Variants in UBE2Q1 observed in about 807,000 individuals in gnomAD.
UBE2Q1 encodes ubiquitin conjugating enzyme E2 Q1.
Under a neutral mutation model 60.1 loss-of-function variants are expected in UBE2Q1, and 6 were observed. That is an observed-to-expected ratio of 0.10 (90% CI 0.05 to 0.20). UBE2Q1 has a LOEUF of 0.20. Ranked by LOEUF, UBE2Q1 falls within the 10% of genes least tolerant of loss-of-function variation. The pLI, the probability that UBE2Q1 is intolerant of heterozygous loss-of-function variation, is 1.00. For synonymous variants in UBE2Q1, 226 were observed against 208.3 expected (o/e 1.09, Z -0.73); for missense variants, 262 against 525.8 (o/e 0.50, Z 4.91).
chr1:154,550,890 T>C, intron 12 of UBE2Q1, 48 bp downstream of exon 12: 1 of 1,613,882 alleles, frequency 6.2e-7, no homozygotes, highest in South Asian at 1.1e-5. Context: ...AGTGAAAACC[T>C]GGGTGTGGCA....
intron 3 of UBE2Q1, 48 bp downstream of exon 3, chr1:154,555,380 T>C: frequency 6.6e-7 from 1 of 1,511,422 alleles, no homozygotes; most frequent in Non-Finnish European, 9.2e-7. Flanking sequence ...CTGAGTACCC[T>C]GTGGGGCAAC....
At position 154,550,137 on chromosome 1, in the gene UBE2Q1, G is replaced by A. The variant is rs1389696781; in HGVS notation, c.*301C>T. The A allele has an allele frequency of 7.7e-6, 3 of 390,846 alleles. No homozygotes were observed. The highest frequency in any genetic ancestry group is 8.3e-5 in the East Asian group (2 of 24,046). The allele number at this position is 390,846 out of a possible 1,614,324, so 24.2% of individuals were successfully genotyped here. On this transcript the variant is annotated 3_prime_UTR_variant, in exon 13 of 13. Coordinates refer to ENST00000292211, the MANE Select transcript of UBE2Q1 (RefSeq NM_017582.7). The stretch of plus-strand genomic sequence containing the variant: ...TAAGGAGGCTCTAGTCTGGAGCACA[G>A]CTGAGTTTCCAGCAATATAAGGAGG...
At position 154,554,777 on chromosome 1, in the gene UBE2Q1, C is replaced by T; in HGVS notation, c.546G>A (p.Gln182=). 2 of 1,613,598 alleles carry T rather than the reference C, an allele frequency of 1.2e-6. No individual in the cohort carries two copies. The highest frequency in any genetic ancestry group is 8.5e-7 in the Non-Finnish European group (1 of 1,179,608). ...DQPLPAEQCT[Q]EDVSSEDEDE... ...CTTCATCTTCTGAAGACACGTCTTC[C>T]TGTGTGCACTGCAGCAAGGAAGGGA... The change falls in exon 4 of 13, where the codon CAG becomes CAA. Residue 182 remains glutamine (Q), a synonymous_variant. Coordinates refer to ENST00000292211, the MANE Select transcript of UBE2Q1 (RefSeq NM_017582.7).
intron 11 of UBE2Q1, 173 bp downstream of exon 11, chr1:154,551,224 T>C (rs2149361290): frequency 1.2e-6 from 1 of 841,094 alleles, no homozygotes; most frequent in African/African-American, 1.7e-5. Context: ...GGGGTGCCCC[T>C]AGGGGCCAAG....
Position 154,558,559 on chromosome 1 carries a change from G to A in UBE2Q1, c.-6C>T. 3 of 1,029,266 alleles carry A rather than the reference G, an allele frequency of 2.9e-6. No individual in the cohort carries two copies. The highest frequency in any genetic ancestry group is 3.5e-6 in the Non-Finnish European group (3 of 867,818). 63.8% of individuals were successfully genotyped at this position (1,029,266 alleles called of 1,614,324 possible). A position where few individuals can be genotyped will look rare whatever the true frequency, so the allele number is the denominator to read the frequency against. On this transcript the variant is annotated 5_prime_UTR_variant, in exon 1 of 13. Coordinates refer to ENST00000292211, the MANE Select transcript of UBE2Q1 (RefSeq NM_017582.7). ...TGCGGCTGCGGCTGCTGCATCCTCC[G>A]CTCCGCTCCGCTCCGGGGCCGGCGG...
rs200634239 is a variant in UBE2Q1, at chr1:154,558,269, C to T, written c.285G>A (p.Gly95=). 107 of 1,569,018 alleles carry T rather than the reference C, an allele frequency of 6.8e-5. No homozygotes were observed. The African/African-American group carries it at 1.2e-3, about 18-fold the overall frequency. The change falls in exon 1 of 13, where the codon GGG becomes GGA. Residue 95 remains glycine (G), a synonymous_variant. Transcript: ENST00000292211. Reference sequence around the variant, plus strand: ...TGCGGACAGGATCCCCAGGCACCGACCCCCGTGGGGGGAGATGCGGTCCGG... The same window carrying T: ...TGCGGACAGGATCCCCAGGCACCGATCCCCGTGGGGGGAGATGCGGTCCGG... The part of the protein sequence containing the change: ...AAPGPHLPPR[G]SVPGDPVRIH...
chr1:154,550,221 T>C lies in UBE2Q1; in HGVS notation c.*217A>G. The C allele has an allele frequency of 1.8e-6, 1 of 570,432 alleles. No homozygotes were observed. The allele number at this position is 570,432 out of a possible 1,614,324, so 35.3% of individuals were successfully genotyped here. ...CAAGGGTTCCAGCAAGGTGGTTGGT[T>C]GGTCTGTAAGTCAGTCTTGAGTACT... On this transcript the variant is annotated 3_prime_UTR_variant, in exon 13 of 13. Coordinates refer to ENST00000292211, the MANE Select transcript of UBE2Q1 (RefSeq NM_017582.7).
chr1:154,551,740 C>T (rs766863558), intron 10 of UBE2Q1, 31 bp downstream of exon 10: 45 of 1,614,148 alleles, frequency 2.8e-5, no homozygotes, highest in African/African-American at 4.0e-5. Flanking sequence ...CCGCCCAGGC[C>T]GGCCTGGCCA....
In UBE2Q1 at chr1:154,558,217, G is replaced by A. The variant is rs370404940; in HGVS notation, c.327+10C>T. The A allele has an allele frequency of 2.1e-5, 32 of 1,516,098 alleles. No individual in the cohort carries two copies. In the African/African-American group the frequency reaches 3.5e-4, roughly 16 times the overall value. The allele number at this position is 1,516,098 out of a possible 1,614,324, so 93.9% of individuals were successfully genotyped here. ...GGCCCCCACAGAGGCGCACGCGAGG[G>A]GGTCCTCACCGTGATGTTGCAGTGG... On this transcript the variant is annotated intron_variant, in intron 1 of 12. Coordinates refer to ENST00000292211, the MANE Select transcript of UBE2Q1 (RefSeq NM_017582.7).
intron 12 of UBE2Q1, 30 bp from the exon 13 acceptor site, chr1:154,550,499 G>A (rs374058753): frequency 2.8e-5 from 45 of 1,613,564 alleles, no homozygotes; most frequent in Non-Finnish European, 3.5e-5. Flanking sequence ...TCAGTGAGGT[G>A]AAGGTTCAGG....
intron 1 of UBE2Q1, among the ~76,000 whole-genome samples, chr1:154,557,027 A>C (rs1695901438): frequency 6.6e-6 from 1 of 152,252 alleles, no homozygotes; most frequent in Non-Finnish European, 1.5e-5. Flanking sequence ...TAGTCCTTCA[A>C]TTTTAACTTT....
chr1:154,554,274 TTCTG>T (rs1305332291), intron 4 of UBE2Q1, among the ~76,000 whole-genome samples: 1 of 151,944 alleles, frequency 6.6e-6, no homozygotes, highest in African/African-American at 2.4e-5. Flanking sequence ...TGATTTTATA[TTCTG>T]TATGTTTTTA....
rs746176881 is a variant in UBE2Q1 at position 154,550,990 on chromosome 1, C to T, written c.1185G>A (p.Leu395=). 3.7e-6 allele frequency: 6 copies of T among 1,614,042 alleles called. No homozygotes were observed. The African/African-American group carries it at 4.0e-5, about 11-fold the overall frequency. The part of the protein sequence containing the change: ...QFGANKSQYS[L]TRAQQSYKSL... ...ACTTGTAGGACTGCTGTGCTCTTGT[C>T]AGACTGTATTGAGACTGGGGAGAGG... The change falls in exon 12 of 13, where the codon CTG becomes CTA. Residue 395 remains leucine, a synonymous_variant. Coordinates refer to ENST00000292211, the MANE Select transcript of UBE2Q1 (RefSeq NM_017582.7).
In UBE2Q1 at chr1:154,558,306, G is replaced by A. The variant is rs1414651090; in HGVS notation, c.248C>T (p.Ala83Val). ...FLLAGAGGAGAGAAPGPHLPP... is the reference protein window; with the variant it reads ...FLLAGAGGAGVGAAPGPHLPP... ...GAGATGCGGTCCGGGCGCGGCCCCCGCCCCGGCCCCTCCGGCCCCAGCCAG... is the reference window on the plus strand; with the variant it reads ...GAGATGCGGTCCGGGCGCGGCCCCCACCCCGGCCCCTCCGGCCCCAGCCAG... Residue 83 changes from alanine (A) to valine (V), a missense_variant, in exon 1 of 13, where the codon GCG (alanine) becomes GTG (valine). Ala to Val is a moderately conservative substitution (Grantham distance 64). Around this residue, in one of 5 missense-constraint regions of UBE2Q1, gnomAD observed 49 missense variants for 32.5 expected, o/e 1.51. Coordinates refer to ENST00000292211, the MANE Select transcript of UBE2Q1 (RefSeq NM_017582.7). The A allele has an allele frequency of 2.5e-6, 4 of 1,575,030 alleles. No individual in the cohort carries two copies. Among genetic ancestry groups the A allele is most frequent in the Non-Finnish European group, 3.4e-6 (4 of 1,161,938 alleles).
chr1:154,558,114 G>A, intron 1 of UBE2Q1, 113 bp downstream of exon 1: 3 of 801,282 alleles, frequency 3.7e-6, no homozygotes, highest in Non-Finnish European at 5.7e-6. Context: ...AAAGAACTGA[G>A]CCCTGAGAGG....
At chr1:154,551,547 C>A (rs1354162287) in intron 10 of UBE2Q1, 55 bp from the exon 11 acceptor site, 3 of 1,578,872 alleles carry the variant, frequency 1.9e-6, no homozygotes, top group Non-Finnish European at 2.6e-6. Flanking sequence ...CCAGAGAACC[C>A]TCATGCTTGT....
Position 154,558,587 on chromosome 1 carries a change from C to T in UBE2Q1, c.-34G>A. The T allele has an allele frequency of 9.9e-7, 1 of 1,012,870 alleles. No homozygotes were observed. The highest frequency in any genetic ancestry group is 1.2e-6 in the Non-Finnish European group (1 of 852,792). 62.7% of individuals were successfully genotyped at this position (1,012,870 alleles called of 1,614,324 possible). A position where few individuals can be genotyped will look rare whatever the true frequency, so the allele number is the denominator to read the frequency against. On this transcript the variant is annotated 5_prime_UTR_variant, in exon 1 of 13. Transcript: ENST00000292211. ...CCGCTCCGCTCCGGGGCCGGCGGGCCGGGAGCCTCCGGCCTGCGCTCCGGG... is the reference window on the plus strand; with the variant it reads ...CCGCTCCGCTCCGGGGCCGGCGGGCTGGGAGCCTCCGGCCTGCGCTCCGGG...
intron 10 of UBE2Q1, 107 bp downstream of exon 10, chr1:154,551,664 T>C (rs1695792168): frequency 1.3e-6 from 2 of 1,532,196 alleles, no homozygotes; most frequent in Non-Finnish European, 9.0e-7. Context: ...CCCAGCAGAA[T>C]GAAAGGGCCA....
intron 1 of UBE2Q1, among the ~76,000 whole-genome samples, 168 bp from the exon 2 acceptor site, chr1:154,556,132 C>A (rs1388270836): frequency 1.3e-5 from 2 of 149,828 alleles, no homozygotes; most frequent in African/African-American, 2.5e-5. Context: ...AGCAGCTTCA[C>A]AACAAATTCT....
Sources: gnomAD v4.1 joint callset for allele counts (sites outside exome capture counted in the v4.1 genomes callset) on GRCh38, gnomAD v4.1.1 for gene constraint, gnomAD v4.1.1 regional missense constraint, MANE v1.5 for transcripts, NCBI Gene and HGNC (gene_info 2026-07-23, HGNC 2026-07-21) for gene names.